Variants in SIN3A observed in about 807,000 individuals in gnomAD.
SIN3A encodes the protein SIN3 transcription regulator family member A, also known as paired amphipathic helix protein Sin3a.
In SIN3A, 14 loss-of-function variants were observed where a neutral mutation model predicts 146.1. That is an observed-to-expected ratio of 0.10 (90% CI 0.06 to 0.15). The LOEUF is 0.15. SIN3A is among the 10% of genes least tolerant of loss of function. The probability of loss-of-function intolerance (pLI) is 1.00; values close to 1 mark genes in which losing one functional copy is unlikely to be tolerated. For missense variants in SIN3A, 1,028 were observed against 1,576.0 expected, an observed-to-expected ratio of 0.65 and a Z score of 5.89; for synonymous variants, 572 against 572.0, an observed-to-expected ratio of 1.00 and a Z score of 0.00.
At chr15:75,430,036 T>C in intron 2 of SIN3A, 151 bp downstream of exon 2, 1 of 633,582 alleles carries the variant, frequency 1.6e-6, no homozygotes, top group South Asian at 2.0e-5. Flanking sequence ...TTTTAAAAAC[T>C]TGTATGGTGA....
intron 3 of SIN3A, among the ~76,000 whole-genome samples, chr15:75,417,282 AGTTTAACT>A: frequency 6.6e-6 from 1 of 152,282 alleles, no homozygotes; most frequent in African/African-American, 2.4e-5. Flanking sequence ...TTATTTTGGT[AGTTTAACT>A]GAAGCCTAAA....
At chr15:75,404,536 G>A (rs112844166) in intron 9 of SIN3A, among the ~76,000 whole-genome samples, 31,034 of 151,918 alleles carry the variant, frequency 0.2, 3,583 homozygotes, top group Non-Finnish European at 0.26. Context: ...CAAGGCAGGC[G>A]GATCACCTGA....
At chr15:75,454,305 CGG>C, upstream of SIN3A, among the ~76,000 whole-genome samples, 1 of 152,188 alleles carries the variant, frequency 6.6e-6, no homozygotes. Flanking sequence ...GCGGGGCCTC[CGG>C]GAGAGCCGGA....
At chr15:75,443,127 T>A (rs2074246262) in intron 1 of SIN3A, among the ~76,000 whole-genome samples, 1 of 152,038 alleles carries the variant, frequency 6.6e-6, no homozygotes, top group South Asian at 2.1e-4. Context: ...TGAAGACTCT[T>A]ATTTTACAAC....
At chr15:75,406,326 C>T (rs2073514009) in intron 9 of SIN3A, among the ~76,000 whole-genome samples, 1 of 152,204 alleles carries the variant, frequency 6.6e-6, no homozygotes, top group Non-Finnish European at 1.5e-5. Context: ...TGAAAACATG[C>T]AAGTAAATTA....
intron 20 of SIN3A, among the ~76,000 whole-genome samples, chr15:75,374,243 C>G (rs1325587962): frequency 2.6e-5 from 4 of 152,126 alleles, no homozygotes; most frequent in African/African-American, 9.7e-5. Context: ...CGCCTGTAAT[C>G]CCAGTACTTT....
chr15:75,382,692 A>C (rs2072996928), intron 17 of SIN3A, among the ~76,000 whole-genome samples: 1 of 152,222 alleles, frequency 6.6e-6, no homozygotes, highest in Non-Finnish European at 1.5e-5. Flanking sequence ...CACACCTGTA[A>C]TCCCAGCACT....
At chr15:75,408,596 G>C (rs2073565233) in intron 8 of SIN3A, among the ~76,000 whole-genome samples, 1 of 152,178 alleles carries the variant, frequency 6.6e-6, no homozygotes, top group South Asian at 2.1e-4. Context: ...TTACATCAAA[G>C]AAGGGAGCAA....
intron 1 of SIN3A, chr15:75,446,402 A>T (rs146736121): frequency 6.6e-6 from 1 of 150,504 alleles, no homozygotes; most frequent in East Asian, 1.9e-4. Context: ...GTAGCTGAAG[A>T]AAAACGAAAG....
At chr15:75,422,552 A>G (rs1400563369) in intron 3 of SIN3A, 95 bp downstream of exon 3, 4 of 1,330,612 alleles carry the variant, frequency 3.0e-6, no homozygotes, top group Non-Finnish European at 3.2e-6. Context: ...CTAGTATCTC[A>G]GGTTAGAAGT....
At chr15:75,424,068 T>C (rs567522045) in intron 2 of SIN3A, among the ~76,000 whole-genome samples, 1 of 152,252 alleles carries the variant, frequency 6.6e-6, no homozygotes, top group East Asian at 1.9e-4. Context: ...TTCTTAAAAT[T>C]TCAATCCATC....
intron 1 of SIN3A, among the ~76,000 whole-genome samples, chr15:75,442,951 A>AG (rs2074242821): frequency 6.6e-6 from 1 of 151,678 alleles, no homozygotes; most frequent in African/African-American, 2.4e-5. Flanking sequence ...AAAAAAAAAA[A>AG]AAATCACATT....
intron 16 of SIN3A, among the ~76,000 whole-genome samples, chr15:75,386,015 G>A (rs140071268): frequency 1.5e-4 from 23 of 152,290 alleles, no homozygotes; most frequent in African/African-American, 5.3e-4. Flanking sequence ...ACATACAGAT[G>A]CTTCCACTTT....
chr15:75,390,608 A>C (rs2073181864), intron 15 of SIN3A, among the ~76,000 whole-genome samples: 1 of 152,258 alleles, frequency 6.6e-6, no homozygotes, highest in African/African-American at 2.4e-5. Flanking sequence ...AGAAATCAAC[A>C]AAGTGGAAAA....
intron 8 of SIN3A, among the ~76,000 whole-genome samples, chr15:75,408,156 G>T (rs1476568849): frequency 6.6e-6 from 1 of 152,152 alleles, no homozygotes; most frequent in African/African-American, 2.4e-5. Context: ...AGTAGGCGGA[G>T]AATTTTAAGC....
At chr15:75,375,898 G>A (rs2072846225) in intron 19 of SIN3A, 26 bp from the exon 20 acceptor site, 3 of 1,611,304 alleles carry the variant, frequency 1.9e-6, no homozygotes, top group Non-Finnish European at 2.5e-6. Flanking sequence ...CCCGGAGGAT[G>A]AGAGCTCGTC....
At chr15:75,417,622 G>T (rs988205099) in intron 3 of SIN3A, among the ~76,000 whole-genome samples, 1 of 151,824 alleles carries the variant, frequency 6.6e-6, no homozygotes, top group Admixed American at 6.6e-5. Context: ...CAACTGATCC[G>T]CCTGCCTCAG....
At chr15:75,444,864 G>A in intron 1 of SIN3A, among the ~76,000 whole-genome samples, 1 of 152,088 alleles carries the variant, frequency 6.6e-6, no homozygotes, top group Non-Finnish European at 1.5e-5. Flanking sequence ...AAGATTATAG[G>A]GCTATTATTT....
intron 19 of SIN3A, chr15:75,376,296 T>C (rs2072854414): frequency 1.1e-5 from 2 of 179,224 alleles, no homozygotes; most frequent in African/African-American, 4.8e-5. Context: ...TCTCTTTAAC[T>C]GCTGCAGAAA....
Sources: allele counts gnomAD v4.1 joint callset (sites outside exome capture counted in the v4.1 genomes callset), GRCh38; gene constraint gnomAD v4.1.1; transcripts MANE v1.5; gene names NCBI Gene and HGNC (gene_info 2026-07-23, HGNC 2026-07-21).